Variants in PRKG1 observed in about 807,000 individuals in gnomAD.
The protein encoded by PRKG1 is cGMP-dependent protein kinase 1.
PRKG1 carries 35 observed loss-of-function variants against 88.1 expected under a neutral mutation model. The observed-to-expected ratio is 0.40, with a 90% CI of 0.30 to 0.53. The LOEUF is 0.53. Among genes scored for constraint, PRKG1 ranks in the 20% least tolerant of loss-of-function variants. The pLI is 0.59. For missense variants in PRKG1, 540 were observed against 839.8 expected (o/e 0.64, Z 4.41); for synonymous variants, 303 against 292.5 (o/e 1.04, Z -0.37).
chr10:52,284,329 AAT>A (rs910721121), intron 14 of PRKG1, among the ~76,000 whole-genome samples: 1 of 151,964 alleles, frequency 6.6e-6, no homozygotes, highest in African/African-American at 2.4e-5. Flanking sequence ...TTTTACCATA[AAT>A]ATATATATCG....
chr10:51,179,415 G>T (rs1436260573), intron 2 of PRKG1, among the ~76,000 whole-genome samples: 1 of 152,206 alleles, frequency 6.6e-6, no homozygotes, highest in Admixed American at 6.5e-5. Context: ...TATGTTGATA[G>T]GTCATAGCTA....
intron 5 of PRKG1, among the ~76,000 whole-genome samples, chr10:52,037,510 A>G (rs1259291669): frequency 6.6e-6 from 1 of 152,182 alleles, no homozygotes; most frequent in African/African-American, 2.4e-5. Flanking sequence ...TTTAGGGTCT[A>G]GGGCTGTAAA....
chr10:51,402,768 T>G (rs1837786405), intron 2 of PRKG1, among the ~76,000 whole-genome samples: 1 of 152,176 alleles, frequency 6.6e-6, no homozygotes, highest in South Asian at 2.1e-4. Flanking sequence ...GCCTGATTAG[T>G]GGTAGGAACT....
intron 5 of PRKG1, among the ~76,000 whole-genome samples, chr10:51,973,565 A>G (rs1250158614): frequency 2.6e-5 from 4 of 152,158 alleles, no homozygotes; most frequent in African/African-American, 9.6e-5. Context: ...CACTTGGTAT[A>G]TTAGTTGCAA....
chr10:52,051,907 G>A (rs61849897), intron 5 of PRKG1, among the ~76,000 whole-genome samples: 18,157 of 152,144 alleles, frequency 0.12, 1,335 homozygotes, highest in Non-Finnish European at 0.17. Flanking sequence ...AAGGGGAAGA[G>A]AAAGGTACTT....
chr10:51,261,761 T>C (rs1238546467), intron 2 of PRKG1, among the ~76,000 whole-genome samples: 1 of 152,086 alleles, frequency 6.6e-6, no homozygotes, highest in Non-Finnish European at 1.5e-5. Context: ...AGGGGAAGTA[T>C]GTGACTGAAG....
intron 3 of PRKG1, among the ~76,000 whole-genome samples, chr10:51,616,684 A>T: frequency 6.6e-6 from 1 of 152,158 alleles, no homozygotes; most frequent in East Asian, 1.9e-4. Context: ...TGGTGTGTGC[A>T]GTTACCAGCT....
intron 2 of PRKG1, among the ~76,000 whole-genome samples, chr10:51,309,896 C>T (rs955341865): frequency 1.3e-5 from 2 of 152,114 alleles, no homozygotes; most frequent in Admixed American, 6.6e-5. Context: ...TACATATGTA[C>T]AATGGAATAC....
chr10:52,251,788 A>C lies in PRKG1; in HGVS notation c.1173+122A>C, dbSNP rs1351662774. 6.0e-6 allele frequency: 5 copies of C among 837,022 alleles called. No homozygotes were observed. In the African/African-American group the frequency reaches 8.6e-5, roughly 14 times the overall value. 51.8% of individuals were successfully genotyped at this position (837,022 alleles called of 1,614,324 possible). On this transcript the variant is annotated intron_variant, in intron 10 of 17. Transcript: ENST00000373980. ...TTCATCATTAATTACCATGATTCCT[A>C]AATCAGTTCCAAATACTTTGCGGCA...
intron 6 of PRKG1, among the ~76,000 whole-genome samples, chr10:52,057,426 C>T (rs573717474): frequency 5.9e-4 from 90 of 152,292 alleles, no homozygotes; most frequent in African/African-American, 2.1e-3. Flanking sequence ...TCACTCCGTT[C>T]CAGTTGCCTG....
intron 5 of PRKG1, among the ~76,000 whole-genome samples, chr10:51,915,668 A>C (rs1398737324): frequency 6.6e-6 from 1 of 152,208 alleles, no homozygotes; most frequent in African/African-American, 2.4e-5. Context: ...TTTACAAAGC[A>C]AATAGGGAAT....
At position 51,050,430 on chromosome 10, in the gene PRKG1, ACTGT is replaced by A. The variant is rs1196681708; in HGVS notation, c.266+58789_266+58792del. Among the ~76,000 whole-genome samples the A allele has an allele frequency of 7.2e-5, 11 of 152,150 alleles. No individual in the cohort carries two copies. The East Asian group carries it at 2.1e-3, about 29-fold the overall frequency. ...GATCACATAGTATTCTCATTCTATG[ACTGT>A]CTTATTTCACTTAGCATAGTGTTCT... On this transcript the variant is annotated intron_variant, in intron 1 of 17. Coordinates refer to the PRKG1 transcript ENST00000401604.
chr10:51,971,082 AG>A (rs35067173), intron 5 of PRKG1, among the ~76,000 whole-genome samples: 16,684 of 151,900 alleles, frequency 0.11, 1,219 homozygotes, highest in East Asian at 0.32. Context: ...TCTAAACAAA[AG>A]AAGAACAGAG....
chr10:51,663,626 A>G (rs2132334694), intron 3 of PRKG1, among the ~76,000 whole-genome samples: 1 of 150,706 alleles, frequency 6.6e-6, no homozygotes, highest in East Asian at 2.0e-4. Context: ...CTGAGGTGAC[A>G]GGATCACTTG....
At chr10:51,545,598 C>T (rs1468905000) in intron 3 of PRKG1, among the ~76,000 whole-genome samples, 2 of 152,038 alleles carry the variant, frequency 1.3e-5, no homozygotes, top group Non-Finnish European at 2.9e-5. Context: ...CAAAGTAATT[C>T]GTTTGAATCC....
intron 4 of PRKG1, among the ~76,000 whole-genome samples, chr10:51,888,761 T>TC (rs1841637336): frequency 6.6e-6 from 1 of 152,196 alleles, no homozygotes. Context: ...TGAGAGGTCT[T>TC]AAAGTTTCTG....
chr10:51,180,726 G>A (rs561281989), intron 2 of PRKG1, among the ~76,000 whole-genome samples: 84 of 152,266 alleles, frequency 5.5e-4, no homozygotes, highest in African/African-American at 1.9e-3. Flanking sequence ...GAAATACATG[G>A]CATCTCTCAT....
chr10:51,602,544 G>C (rs1156740076), intron 3 of PRKG1, among the ~76,000 whole-genome samples: 1 of 151,836 alleles, frequency 6.6e-6, no homozygotes, highest in Non-Finnish European at 1.5e-5. Flanking sequence ...TCCTGCGTCA[G>C]CCTCGTGAGT....
At chr10:51,770,020 T>C (rs1838263106) in intron 3 of PRKG1, among the ~76,000 whole-genome samples, 1 of 152,236 alleles carries the variant, frequency 6.6e-6, no homozygotes, top group South Asian at 2.1e-4. Flanking sequence ...CCTAGGTTAA[T>C]GTATGTCTGT....
Sources: gnomAD v4.1 joint callset for allele counts (sites outside exome capture counted in the v4.1 genomes callset) on GRCh38, gnomAD v4.1.1 for gene constraint, MANE v1.5 for transcripts, NCBI Gene and HGNC (gene_info 2026-07-23, HGNC 2026-07-21) for gene names.